Variants in TTC29 observed in about 807,000 individuals in gnomAD.
TTC29 encodes the protein tetratricopeptide repeat domain 29.
A neutral mutation model predicts 58.1 loss-of-function variants in TTC29; 49 were observed. That is an observed-to-expected ratio of 0.84 (90% CI 0.67 to 1.07). The LOEUF (loss-of-function observed/expected upper bound fraction) is 1.07, where lower values mean the gene tolerates loss of function less well. TTC29 is among the 50% of genes least tolerant of loss of function. The probability of loss-of-function intolerance (pLI) is 0.00; values close to 1 mark genes in which losing one functional copy is unlikely to be tolerated. For synonymous variants in TTC29, 209 were observed against 196.8 expected, an observed-to-expected ratio of 1.06 and a Z score of -0.52; for missense variants, 582 against 555.6, an observed-to-expected ratio of 1.05 and a Z score of -0.48.
chr4:146,774,716 G>A (rs1392770871), intron 11 of TTC29, among the ~76,000 whole-genome samples: 1 of 152,162 alleles, frequency 6.6e-6, no homozygotes, highest in Non-Finnish European at 1.5e-5. Context: ...GGACAGTTCT[G>A]TAGACGTCTG....
intron 11 of TTC29, among the ~76,000 whole-genome samples, chr4:146,760,108 T>C (rs1451326290): frequency 9.9e-5 from 15 of 152,090 alleles, no homozygotes; most frequent in Admixed American, 9.8e-4. Flanking sequence ...ACAAGATTAA[T>C]GTACACAAAT....
At position 146,706,805 on chromosome 4, in the gene TTC29, A is replaced by G. The variant is rs530094591; in HGVS notation, c.*353T>C. 1.1e-4 allele frequency: 18 copies of G among 170,420 alleles called. No individual in the cohort carries two copies. The South Asian group carries it at 3.5e-3, about 33-fold the overall frequency. 10.6% of individuals were successfully genotyped at this position (170,420 alleles called of 1,614,324 possible). Reference sequence around the variant, plus strand: ...TTTTAGCAAATATTTTCCTACATGAATTCAGCATGAAAGATTTTCTTAAGC... The same window carrying G: ...TTTTAGCAAATATTTTCCTACATGAGTTCAGCATGAAAGATTTTCTTAAGC... On this transcript the variant is annotated 3_prime_UTR_variant, in exon 13 of 13. Coordinates refer to ENST00000325106, the MANE Select transcript of TTC29 (RefSeq NM_031956.4).
intron 11 of TTC29, among the ~76,000 whole-genome samples, chr4:146,728,715 T>C (rs562614835): frequency 1.7e-4 from 24 of 141,596 alleles, no homozygotes; most frequent in African/African-American, 6.1e-4. Flanking sequence ...AAAATGTATG[T>C]GTGTATGTGT....
In TTC29 at chr4:146,874,946, T is replaced by C. The variant is rs777602608; in HGVS notation, c.587-18A>G. The C allele has an allele frequency of 1.2e-6, 2 of 1,603,622 alleles. No homozygotes were observed. Among genetic ancestry groups the C allele is most frequent in the Non-Finnish European group, 8.5e-7 (1 of 1,171,580 alleles). On this transcript the variant is annotated intron_variant, in intron 6 of 12. Transcript: ENST00000325106. Reference sequence around the variant, plus strand: ...AAGCTGACCTGGAGAATAAAAGCCATTCATAAGTATAAACCAGAGGACGGA... The same window carrying C: ...AAGCTGACCTGGAGAATAAAAGCCACTCATAAGTATAAACCAGAGGACGGA...
chr4:146,867,387 C>A, intron 8 of TTC29, 111 bp downstream of exon 8: 1 of 486,840 alleles, frequency 2.1e-6, no homozygotes, highest in Non-Finnish European at 3.5e-6. Context: ...AATAGGCACA[C>A]CTATGTCAGG....
chr4:146,793,624 T>C (rs1749626909), intron 11 of TTC29, among the ~76,000 whole-genome samples: 1 of 152,164 alleles, frequency 6.6e-6, no homozygotes, highest in Non-Finnish European at 1.5e-5. Flanking sequence ...ATCTCCAAGG[T>C]ATGCCTCTAT....
chr4:146,784,818 C>T (rs1748888718), intron 11 of TTC29, among the ~76,000 whole-genome samples: 1 of 152,094 alleles, frequency 6.6e-6, no homozygotes, highest in East Asian at 1.9e-4. Flanking sequence ...GTTTCTTTAT[C>T]TGAAAAAATG....
At chr4:146,884,905 T>C (rs1345153153) in intron 6 of TTC29, among the ~76,000 whole-genome samples, 1 of 152,090 alleles carries the variant, frequency 6.6e-6, no homozygotes, top group Non-Finnish European at 1.5e-5. Flanking sequence ...GGAGGCTTTA[T>C]TGTTAAAAAT....
At chr4:146,823,985 C>A (rs1166708946) in intron 9 of TTC29, among the ~76,000 whole-genome samples, 1 of 152,190 alleles carries the variant, frequency 6.6e-6, no homozygotes, top group Non-Finnish European at 1.5e-5. Flanking sequence ...TGCTTCTCAG[C>A]TTCAGGAGAT....
intron 11 of TTC29, among the ~76,000 whole-genome samples, chr4:146,761,076 G>A (rs1205731915): frequency 2.6e-5 from 4 of 151,694 alleles, no homozygotes; most frequent in African/African-American, 4.8e-5. Context: ...TGATACAATG[G>A]ACTTTGGGGA....
chr4:146,729,301 A>G (rs1268158713), intron 11 of TTC29, among the ~76,000 whole-genome samples: 12 of 152,070 alleles, frequency 7.9e-5, no homozygotes, highest in Admixed American at 7.2e-4. Flanking sequence ...AAAGTTCAGC[A>G]TTTTTCACAT....
rs368121017 is a variant in TTC29, at chr4:146,750,804, A to T, written c.1331-43253T>A. Among the ~76,000 whole-genome samples, 23 of 152,330 alleles carry T rather than the reference A, an allele frequency of 1.5e-4. No individual in the cohort carries two copies. The South Asian group carries it at 4.8e-3, about 32-fold the overall frequency. On this transcript the variant is annotated intron_variant, in intron 11 of 12. Coordinates refer to ENST00000325106, the MANE Select transcript of TTC29 (RefSeq NM_031956.4). ...AAGGTAGACAACAGGAGAGGATGAA[A>T]GGAACAAAGGACTTATAAAACAATC... is the stretch of plus-strand genomic sequence containing the variant.
chr4:146,742,631 C>T (rs1561080047), intron 11 of TTC29, among the ~76,000 whole-genome samples: 3 of 87,678 alleles, frequency 3.4e-5, no homozygotes, highest in African/African-American at 8.3e-5. Flanking sequence ...TTCCTTCCTT[C>T]GTTTCCTTCC....
At chr4:146,878,404 C>A (rs1353403507) in intron 6 of TTC29, among the ~76,000 whole-genome samples, 3 of 152,088 alleles carry the variant, frequency 2.0e-5, no homozygotes, top group African/African-American at 7.2e-5. Flanking sequence ...AAATGCAAGG[C>A]TTTTCTCTCC....
chr4:146,857,117 TG>T (rs1729910994), intron 8 of TTC29, among the ~76,000 whole-genome samples: 1 of 152,190 alleles, frequency 6.6e-6, no homozygotes. Context: ...CTATACAATT[TG>T]TAAATAAATA....
chr4:146,940,461 C>T (rs1398751156), intron 2 of TTC29, among the ~76,000 whole-genome samples: 1 of 152,178 alleles, frequency 6.6e-6, no homozygotes, highest in African/African-American at 2.4e-5. Flanking sequence ...TCAAAATGTA[C>T]TGTTTTTTAA....
At chr4:146,943,844 G>T (rs1736662508) in intron 2 of TTC29, among the ~76,000 whole-genome samples, 1 of 152,106 alleles carries the variant, frequency 6.6e-6, no homozygotes, top group Non-Finnish European at 1.5e-5. Flanking sequence ...TCATTTTCCT[G>T]GTGTTGGTCA....
At chr4:146,911,443 T>C (rs955748433) in intron 4 of TTC29, among the ~76,000 whole-genome samples, 1 of 152,160 alleles carries the variant, frequency 6.6e-6, no homozygotes, top group African/African-American at 2.4e-5. Flanking sequence ...CCAGAGCTCA[T>C]AGAACAAAGA....
intron 6 of TTC29, among the ~76,000 whole-genome samples, chr4:146,889,287 C>A (rs1732196784): frequency 6.6e-6 from 1 of 152,020 alleles, no homozygotes; most frequent in South Asian, 2.1e-4. Flanking sequence ...TTATCTTTTA[C>A]CAGCTGTAAA....
Sources: allele counts gnomAD v4.1 joint callset (sites outside exome capture counted in the v4.1 genomes callset), GRCh38; gene constraint gnomAD v4.1.1; transcripts MANE v1.5; gene names NCBI Gene and HGNC (gene_info 2026-07-23, HGNC 2026-07-21).